The following GPD2 variants were observed in gnomAD, a reference collection of about 807,000 sequenced individuals.
GPD2 encodes the protein glycerol-3-phosphate dehydrogenase, mitochondrial.
GPD2 carries 54 observed loss-of-function variants against 82.4 expected under a neutral mutation model. The ratio of observed to expected loss-of-function variants is 0.66; its 90% CI spans 0.53 to 0.82. The LOEUF is 0.82. Ranked by LOEUF, GPD2 falls within the 40% of genes least tolerant of loss-of-function variation. GPD2 has a pLI of 0.00. For missense variants in GPD2, 748 were observed against 896.2 expected (o/e 0.83, Z 2.11); for synonymous variants, 288 against 306.1 (o/e 0.94, Z 0.62).
chr2:156,568,364 T>C (rs1400348422), intron 9 of GPD2, among the ~76,000 whole-genome samples: 1 of 152,138 alleles, frequency 6.6e-6, no homozygotes, highest in Non-Finnish European at 1.5e-5. Flanking sequence ...GGAGAAAATA[T>C]AATATCCTGT....
At chr2:156,489,734 C>T (rs56787849) in intron 2 of GPD2, among the ~76,000 whole-genome samples, 101,358 of 112,536 alleles carry the variant, frequency 0.9, 46,740 homozygotes, top group East Asian at 0.98. Context: ...CTCCCTCCCT[C>T]CCTCCCTCCC....
At chr2:156,572,248 A>G (rs754427745) in intron 13 of GPD2, among the ~76,000 whole-genome samples, 5 of 152,162 alleles carry the variant, frequency 3.3e-5, no homozygotes, top group Non-Finnish European at 5.9e-5. Flanking sequence ...TACTTTATGC[A>G]TTCTCTTATA....
In GPD2 at chr2:156,569,447, G is replaced by C. The variant is rs1337310794; in HGVS notation, c.1385G>C (p.Ser462Thr). 5 of 1,610,724 alleles carry C rather than the reference G, an allele frequency of 3.1e-6. No individual in the cohort carries two copies. Among genetic ancestry groups the C allele is most frequent in the Non-Finnish European group, 8.5e-7 (1 of 1,177,178 alleles). Residue 462 changes from serine to threonine, a missense_variant, in exon 11 of 17, where the codon AGT becomes ACT. Ser to Thr is a moderately conservative substitution (Grantham distance 58). Transcript: ENST00000438166. ...VKTHNLKAGP[S>T]RTVGLFLQGG... ...ACTCATAATTTAAAAGCAGGACCAAGTAGAACAGTTGGGCTTTTCCTTCAA... is the reference window on the plus strand; with the variant it reads ...ACTCATAATTTAAAAGCAGGACCAACTAGAACAGTTGGGCTTTTCCTTCAA...
the GPD2 span, among the ~76,000 whole-genome samples, chr2:156,400,724 T>G: frequency 1.3e-5 from 2 of 152,238 alleles, no homozygotes; most frequent in Admixed American, 6.5e-5. Context: ...TGACTAGAGC[T>G]AGCAGACTGA....
At chr2:156,401,198 T>C in the GPD2 span, among the ~76,000 whole-genome samples, 5 of 152,340 alleles carry the variant, frequency 3.3e-5, no homozygotes, top group Non-Finnish European at 7.4e-5. Context: ...GCGAGAATTC[T>C]ACCACTGAAC....
intron 1 of GPD2, among the ~76,000 whole-genome samples, chr2:156,437,747 T>G (rs900255510): frequency 9.9e-5 from 15 of 152,240 alleles, no homozygotes; most frequent in African/African-American, 3.6e-4. Context: ...ATTAGAGCTC[T>G]GCTTCCTTCT....
At chr2:156,416,404 G>A in the GPD2 span, among the ~76,000 whole-genome samples, 1 of 151,262 alleles carries the variant, frequency 6.6e-6, no homozygotes, top group Non-Finnish European at 1.5e-5. Flanking sequence ...CCAGAGTGCA[G>A]TGGTGGGATC....
chr2:156,426,138 T>C, the GPD2 span, among the ~76,000 whole-genome samples: 2 of 152,006 alleles, frequency 1.3e-5, no homozygotes, highest in South Asian at 4.1e-4. Flanking sequence ...TTAGCCGGGA[T>C]AGTCTCGATC....
intron 1 of GPD2, among the ~76,000 whole-genome samples, chr2:156,469,702 G>C (rs1009660560): frequency 6.6e-6 from 1 of 152,174 alleles, no homozygotes; most frequent in African/African-American, 2.4e-5. Flanking sequence ...TGATCTTTGA[G>C]CTGTACTCTC....
chr2:156,400,849 G>T, the GPD2 span, among the ~76,000 whole-genome samples: 4 of 152,080 alleles, frequency 2.6e-5, no homozygotes, highest in African/African-American at 9.7e-5. Context: ...CAAATCAGCC[G>T]ACGTTTGCTT....
intron 1 of GPD2, among the ~76,000 whole-genome samples, chr2:156,451,748 C>G (rs1258047956): frequency 6.7e-6 from 1 of 148,720 alleles, no homozygotes; most frequent in African/African-American, 2.5e-5. Flanking sequence ...GGGGGGCTGA[C>G]CCCCCCACCT....
At chr2:156,479,763 C>A (rs1039118078) in intron 2 of GPD2, among the ~76,000 whole-genome samples, 18 of 152,128 alleles carry the variant, frequency 1.2e-4, no homozygotes, top group Non-Finnish European at 2.2e-4. Context: ...CTCAGTTAAG[C>A]ATCTGAGGGC....
intron 1 of GPD2, among the ~76,000 whole-genome samples, chr2:156,460,387 G>A (rs917203962): frequency 6.6e-6 from 1 of 152,074 alleles, no homozygotes; most frequent in African/African-American, 2.4e-5. Context: ...TCCAATAGGG[G>A]GAAAATTATG....
At chr2:156,419,415 C>T in the GPD2 span, among the ~76,000 whole-genome samples, 1 of 152,150 alleles carries the variant, frequency 6.6e-6, no homozygotes, top group Non-Finnish European at 1.5e-5. Context: ...AATAATGAAG[C>T]TTAGTTTTAT....
the GPD2 span, among the ~76,000 whole-genome samples, chr2:156,403,208 A>AT: frequency 2.0e-5 from 3 of 149,148 alleles, no homozygotes; most frequent in Non-Finnish European, 3.0e-5. Flanking sequence ...TTATTTATTT[A>AT]TTTTTTCTTG....
chr2:156,407,769 A>G, the GPD2 span, among the ~76,000 whole-genome samples: 1 of 152,114 alleles, frequency 6.6e-6, no homozygotes, highest in Non-Finnish European at 1.5e-5. Flanking sequence ...CCTGCAGGAT[A>G]AATTCCTGGG....
At chr2:156,521,881 A>G (rs1210155302) in intron 6 of GPD2, among the ~76,000 whole-genome samples, 2 of 152,194 alleles carry the variant, frequency 1.3e-5, no homozygotes, top group African/African-American at 4.8e-5. Context: ...TTGATTTCCT[A>G]CTGTCAGCTT....
At chr2:156,576,481 C>T (rs1430629925) in intron 13 of GPD2, among the ~76,000 whole-genome samples, 1 of 136,514 alleles carries the variant, frequency 7.3e-6, no homozygotes, top group Non-Finnish European at 1.6e-5. Flanking sequence ...AAAAAAAAAA[C>T]ATTAGGTTTG....
chr2:156,521,167 T>C (rs1198614472), intron 6 of GPD2, among the ~76,000 whole-genome samples: 1 of 152,170 alleles, frequency 6.6e-6, no homozygotes, highest in Non-Finnish European at 1.5e-5. Flanking sequence ...GTTCACATAA[T>C]GGAGTAAAAC....
Sources: allele counts gnomAD v4.1 joint callset (sites outside exome capture counted in the v4.1 genomes callset), GRCh38; gene constraint gnomAD v4.1.1; transcripts MANE v1.5; gene names NCBI Gene and HGNC (gene_info 2026-07-23, HGNC 2026-07-21).